Variants in KCNH5 observed in about 807,000 individuals in gnomAD.
KCNH5 encodes potassium voltage-gated channel subfamily H member 5, also known as voltage-gated delayed rectifier potassium channel KCNH5.
KCNH5 carries 46 observed loss-of-function variants against 96.1 expected under a neutral mutation model. The ratio of observed to expected loss-of-function variants is 0.48; its 90% CI spans 0.38 to 0.61. KCNH5 has a LOEUF of 0.61. Among genes scored for constraint, KCNH5 ranks in the 20% least tolerant of loss-of-function variants. The pLI is 0.00. For synonymous variants in KCNH5, 439 were observed against 449.8 expected (o/e 0.98, Z 0.30); for missense variants, 907 against 1,225.8 (o/e 0.74, Z 3.88).
At chr14:62,910,679 A>G (rs1009326053) in intron 7 of KCNH5, among the ~76,000 whole-genome samples, 1 of 152,196 alleles carries the variant, frequency 6.6e-6, no homozygotes, top group Non-Finnish European at 1.5e-5. Flanking sequence ...AGAAAACTAC[A>G]AAATGTTTCT....
chr14:63,025,854 G>GA (rs139085820), intron 1 of KCNH5, among the ~76,000 whole-genome samples: 40,953 of 149,340 alleles, frequency 0.27, 6,385 homozygotes, highest in African/African-American at 0.43. Context: ...CACAGAAACA[G>GA]AAAAAAAAAA....
chr14:63,035,847 C>T (rs1178547067), intron 1 of KCNH5, among the ~76,000 whole-genome samples: 1 of 152,192 alleles, frequency 6.6e-6, no homozygotes, highest in Non-Finnish European at 1.5e-5. Context: ...CTGAGATGAT[C>T]CACTACATCT....
chr14:62,720,445 G>T (rs766410564), intron 10 of KCNH5, among the ~76,000 whole-genome samples: 1 of 152,156 alleles, frequency 6.6e-6, no homozygotes, highest in Non-Finnish European at 1.5e-5. Flanking sequence ...AGCCAGGCAT[G>T]GTGGCGGACA....
intron 7 of KCNH5, among the ~76,000 whole-genome samples, chr14:62,942,109 T>C (rs921058461): frequency 1.3e-5 from 2 of 152,210 alleles, no homozygotes; most frequent in East Asian, 1.9e-4. Context: ...AAGCAATGTA[T>C]GCACTATATG....
rs572835565 is a variant in KCNH5, at chr14:62,722,780, C to A, written c.2020-14325G>T. Among the ~76,000 whole-genome samples, 4 of 152,268 alleles carry A rather than the reference C, an allele frequency of 2.6e-5. No homozygotes were observed. The South Asian group carries it at 8.3e-4, about 32-fold the overall frequency. On this transcript the variant is annotated intron_variant, in intron 10 of 10. Coordinates refer to ENST00000322893, the MANE Select transcript of KCNH5 (RefSeq NM_139318.5). The stretch of plus-strand genomic sequence containing the variant: ...CTCATTTTCCCCTTGCAACTCTGTA[C>A]ATCAGTCAGGGCAATTATTATTATT...
chr14:62,970,930 G>A (rs1890396054), intron 6 of KCNH5, among the ~76,000 whole-genome samples: 1 of 151,468 alleles, frequency 6.6e-6, no homozygotes, highest in South Asian at 2.1e-4. Flanking sequence ...AAAACTAGAA[G>A]CTTTCCTATT....
intron 8 of KCNH5, among the ~76,000 whole-genome samples, chr14:62,841,836 A>G (rs1887591685): frequency 1.3e-5 from 2 of 152,256 alleles, no homozygotes; most frequent in South Asian, 4.1e-4. Context: ...TGAACACAAA[A>G]GCGTGGAACC....
intron 9 of KCNH5, among the ~76,000 whole-genome samples, chr14:62,784,556 T>C (rs1466457053): frequency 1.3e-5 from 2 of 152,140 alleles, no homozygotes; most frequent in Admixed American, 1.3e-4. Context: ...CAGCAAACCA[T>C]TTTCACCGAT....
intron 7 of KCNH5, among the ~76,000 whole-genome samples, chr14:62,924,999 A>G (rs991583424): frequency 2.6e-5 from 4 of 152,046 alleles, no homozygotes; most frequent in African/African-American, 9.7e-5. Flanking sequence ...GAGGTGGTGG[A>G]TATGTTAATT....
At chr14:62,868,714 G>A (rs1888188336) in intron 7 of KCNH5, among the ~76,000 whole-genome samples, 1 of 152,132 alleles carries the variant, frequency 6.6e-6, no homozygotes, top group African/African-American at 2.4e-5. Flanking sequence ...AGGCCCTGGT[G>A]TGTGATGTTC....
intron 7 of KCNH5, among the ~76,000 whole-genome samples, chr14:62,947,973 C>A (rs965358389): frequency 6.6e-6 from 1 of 151,852 alleles, no homozygotes; most frequent in South Asian, 2.1e-4. Context: ...GCTATCCCTC[C>A]CCTCTCCCCC....
intron 8 of KCNH5, among the ~76,000 whole-genome samples, chr14:62,845,086 T>C (rs1887663622): frequency 6.6e-6 from 1 of 152,102 alleles, no homozygotes; most frequent in Admixed American, 6.5e-5. Flanking sequence ...TATATATTCA[T>C]AGTTAAATTT....
At chr14:62,787,603 T>C (rs1886345047) in intron 9 of KCNH5, among the ~76,000 whole-genome samples, 2 of 143,750 alleles carry the variant, frequency 1.4e-5, no homozygotes, top group Non-Finnish European at 2.9e-5. Flanking sequence ...GGGACTTTCA[T>C]AGATAGAGAG....
At chr14:62,909,154 T>C (rs1439832986) in intron 7 of KCNH5, among the ~76,000 whole-genome samples, 2 of 142,882 alleles carry the variant, frequency 1.4e-5, no homozygotes, top group Admixed American at 7.3e-5. Flanking sequence ...CACGCCATTC[T>C]CCTGCCTCAG....
At chr14:62,850,806 GA>G (rs1366629686) in intron 7 of KCNH5, among the ~76,000 whole-genome samples, 1 of 152,034 alleles carries the variant, frequency 6.6e-6, no homozygotes, top group African/African-American at 2.4e-5. Context: ...AATCTTTTTT[GA>G]AAAGGGGGCA....
chr14:63,012,101 T>C (rs2139602860), intron 2 of KCNH5, among the ~76,000 whole-genome samples: 1 of 152,310 alleles, frequency 6.6e-6, no homozygotes, highest in African/African-American at 2.4e-5. Context: ...AATGCTAAAG[T>C]GGTTCCTACC....
intron 1 of KCNH5, among the ~76,000 whole-genome samples, chr14:63,032,885 T>C (rs931275696): frequency 2.0e-4 from 31 of 152,182 alleles, no homozygotes; most frequent in African/African-American, 7.2e-4. Flanking sequence ...ATTCCAAGCG[T>C]GGCCTTCTTC....
intron 10 of KCNH5, among the ~76,000 whole-genome samples, chr14:62,773,018 A>G (rs1398034671): frequency 2.6e-5 from 4 of 152,228 alleles, no homozygotes; most frequent in African/African-American, 9.6e-5. Context: ...TCAATCTATG[A>G]ATCACATGCA....
intron 4 of KCNH5, among the ~76,000 whole-genome samples, chr14:62,997,472 C>T (rs1224719626): frequency 6.6e-6 from 1 of 152,082 alleles, no homozygotes; most frequent in Non-Finnish European, 1.5e-5. Flanking sequence ...ATAATCATGA[C>T]TTTTCTCATT....
Sources: gnomAD v4.1 joint callset for allele counts (sites outside exome capture counted in the v4.1 genomes callset) on GRCh38, gnomAD v4.1.1 for gene constraint, MANE v1.5 for transcripts, NCBI Gene and HGNC (gene_info 2026-07-23, HGNC 2026-07-21) for gene names.